The following HECW1 variants were observed in gnomAD, a reference collection of about 807,000 sequenced individuals.
The protein encoded by HECW1 is HECT, C2 and WW domain containing E3 ubiquitin protein ligase 1.
HECW1 carries 61 observed loss-of-function variants against 182.3 expected under a neutral mutation model. The observed-to-expected ratio is 0.33, with a 90% CI of 0.27 to 0.41. The LOEUF (loss-of-function observed/expected upper bound fraction) is 0.41, where lower values mean the gene tolerates loss of function less well. Among genes scored for constraint, HECW1 ranks in the 10% least tolerant of loss-of-function variants. The pLI is 1.00. For synonymous variants in HECW1, 859 were observed against 832.6 expected (o/e 1.03, Z -0.55); for missense variants, 1,739 against 2,108.9 (o/e 0.82, Z 3.44).
chr7:43,465,694 A>G (rs933317116), intron 14 of HECW1, among the ~76,000 whole-genome samples: 1 of 152,140 alleles, frequency 6.6e-6, no homozygotes, highest in Non-Finnish European at 1.5e-5. Context: ...TTCTGCAAAC[A>G]ATCTATCACA....
chr7:43,460,559 CGTGT>C (rs142785518), intron 13 of HECW1, among the ~76,000 whole-genome samples: 14 of 149,888 alleles, frequency 9.3e-5, no homozygotes, highest in African/African-American at 2.4e-4. Flanking sequence ...TGCGTGTGTG[CGTGT>C]GTGTGTGTGT....
chr7:43,275,434 C>T (rs899348701), intron 3 of HECW1, among the ~76,000 whole-genome samples: 4 of 152,082 alleles, frequency 2.6e-5, no homozygotes, highest in Non-Finnish European at 4.4e-5. Context: ...GGGGTGATGA[C>T]GCTTGAGGTG....
At chr7:43,442,471 A>G (rs2076918904) in intron 9 of HECW1, 58 bp from the exon 10 acceptor site, 2 of 1,251,056 alleles carry the variant, frequency 1.6e-6, no homozygotes, top group Non-Finnish European at 2.3e-6. Context: ...AGCACACTGC[A>G]TGGTCATTAG....
rs545728999 is a variant in HECW1 at position 43,243,283 on chromosome 7, C to T, written c.-31-592C>T. On this transcript the variant is annotated intron_variant, in intron 2 of 29. Coordinates refer to ENST00000395891, the MANE Select transcript of HECW1 (RefSeq NM_015052.5). This position sits in a 1 kb window ranked among gnomAD's most constrained non-coding sequence, Gnocchi z 4.0. ...TGTATGCTAATTTTGGACATGGTAG[C>T]TCTAAAGTGCCAATGGTGAGACCAG... Among the ~76,000 whole-genome samples, 7 of 152,294 alleles carry T rather than the reference C, an allele frequency of 4.6e-5. No individual in the cohort carries two copies. In the South Asian group the frequency reaches 1.5e-3, roughly 32 times the overall value.
At chr7:43,180,499 C>A (rs539868049) in intron 2 of HECW1, among the ~76,000 whole-genome samples, 1 of 152,166 alleles carries the variant, frequency 6.6e-6, no homozygotes, top group East Asian at 1.9e-4. Flanking sequence ...GGGTTCACGC[C>A]ATTCTCCTGC....
chr7:43,425,753 T>C (rs2076344762), intron 8 of HECW1, among the ~76,000 whole-genome samples: 2 of 152,104 alleles, frequency 1.3e-5, no homozygotes, highest in South Asian at 4.2e-4. Context: ...CATGAACCCA[T>C]TGATAATTAA....
chr7:43,252,809 G>T (rs192338176), intron 3 of HECW1, among the ~76,000 whole-genome samples: 188 of 152,346 alleles, frequency 1.2e-3, no homozygotes, highest in African/African-American at 4.3e-3. Context: ...GGGGAAAGTA[G>T]TCTTGCAGTG....
chr7:43,418,815 G>A (rs1273384860), intron 8 of HECW1, among the ~76,000 whole-genome samples: 1 of 151,984 alleles, frequency 6.6e-6, no homozygotes, highest in African/African-American at 2.4e-5. Context: ...ATTGAAAATG[G>A]GTCATGTTTT....
At chr7:43,507,099 G>C (rs1195210573) in intron 21 of HECW1, 38 bp from the exon 22 acceptor site, 2 of 1,587,678 alleles carry the variant, frequency 1.3e-6, no homozygotes, top group Non-Finnish European at 1.7e-6. Flanking sequence ...AGAAGAAGAA[G>C]AAAGAAAGTG....
At chr7:43,372,978 A>G (rs144578343) in intron 6 of HECW1, among the ~76,000 whole-genome samples, 4 of 152,308 alleles carry the variant, frequency 2.6e-5, no homozygotes, top group Non-Finnish European at 5.9e-5. Flanking sequence ...GACAAAACCA[A>G]TCAATACTGA....
At chr7:43,434,085 T>C (rs1048896249) in intron 8 of HECW1, among the ~76,000 whole-genome samples, 1 of 152,234 alleles carries the variant, frequency 6.6e-6, no homozygotes, top group African/African-American at 2.4e-5. Flanking sequence ...TTCACAAATT[T>C]ATCTTTTAAC....
At chr7:43,541,321 C>G (rs1033359675) in intron 25 of HECW1, 60 bp downstream of exon 25, 4 of 1,277,564 alleles carry the variant, frequency 3.1e-6, no homozygotes, top group African/African-American at 1.5e-5. Context: ...AGGACACCGA[C>G]CTCTCTGGTG....
intron 2 of HECW1, among the ~76,000 whole-genome samples, chr7:43,202,412 CTTT>C (rs751913026): frequency 3.0e-4 from 46 of 151,572 alleles, no homozygotes; most frequent in Non-Finnish European, 4.4e-4. Flanking sequence ...TTTCCATATT[CTTT>C]TTTACATTCA....
chr7:43,440,240 C>G (rs1364047819), intron 9 of HECW1: 1 of 152,874 alleles, frequency 6.5e-6, no homozygotes, highest in Non-Finnish European at 1.5e-5. Context: ...ATAAAGCCCC[C>G]TGCATCCGTG....
At chr7:43,234,387 G>A (rs924059255) in intron 2 of HECW1, among the ~76,000 whole-genome samples, 2 of 152,138 alleles carry the variant, frequency 1.3e-5, no homozygotes, top group Admixed American at 6.5e-5. Context: ...TCCTTCCAGT[G>A]AACTAGAAGC....
chr7:43,365,411 G>A (rs1003184342), intron 6 of HECW1, among the ~76,000 whole-genome samples: 3 of 151,384 alleles, frequency 2.0e-5, no homozygotes, highest in African/African-American at 4.9e-5. Flanking sequence ...CCAAGCAATC[G>A]GGAAAGGCCA....
In HECW1 at chr7:43,308,243, A is replaced by AAT. The variant is rs1466692862; in HGVS notation, c.28-3509_28-3508dup. Among the ~76,000 whole-genome samples, 88 of 56,192 alleles carry AAT rather than the reference A, an allele frequency of 1.6e-3. 10 individuals carry two copies. In the South Asian group the frequency reaches 0.023, roughly 14 times the overall value. 36.9% of individuals were successfully genotyped at this position (56,192 alleles called of 152,430 possible). On this transcript the variant is annotated intron_variant, in intron 3 of 29. Transcript: ENST00000395891. ...GATATATTTTTATATAATAATATAT[A>AAT]ATATATATATATTATATGATATATT...
At chr7:43,262,117 A>G (rs1404498864) in intron 3 of HECW1, among the ~76,000 whole-genome samples, 1 of 152,150 alleles carries the variant, frequency 6.6e-6, no homozygotes, top group African/African-American at 2.4e-5. Context: ...GCTACTTGGG[A>G]GGCTGAGGCA....
At chr7:43,125,431 T>C (rs1049818723) in intron 2 of HECW1, among the ~76,000 whole-genome samples, 1 of 152,074 alleles carries the variant, frequency 6.6e-6, no homozygotes, top group Non-Finnish European at 1.5e-5. Flanking sequence ...AATAACAATA[T>C]ATATTTTCTA....
Sources: allele counts gnomAD v4.1 joint callset (sites outside exome capture counted in the v4.1 genomes callset), GRCh38; gene constraint gnomAD v4.1.1; non-coding constraint Gnocchi (gnomAD v3.1); transcripts MANE v1.5; gene names NCBI Gene and HGNC (gene_info 2026-07-23, HGNC 2026-07-21).